The following DNAAF1 variants were observed in gnomAD, a reference collection of about 807,000 sequenced individuals.
The protein encoded by DNAAF1 is dynein axonemal assembly factor 1.
DNAAF1 carries 65 observed loss-of-function variants against 71.1 expected under a neutral mutation model. The ratio of observed to expected loss-of-function variants is 0.91; its 90% CI spans 0.75 to 1.12. The LOEUF (loss-of-function observed/expected upper bound fraction) is 1.12. Among genes scored for constraint, DNAAF1 ranks in the 50% most tolerant of loss-of-function variants. The pLI is 0.00. For missense variants in DNAAF1, 1,178 were observed against 899.8 expected (o/e 1.31, Z -3.96); for synonymous variants, 414 against 354.6 (o/e 1.17, Z -1.88).
intron 6 of DNAAF1, among the ~76,000 whole-genome samples, chr16:84,163,870 T>C (rs941325438): frequency 2.0e-5 from 3 of 148,946 alleles, no homozygotes; most frequent in East Asian, 4.1e-4. Flanking sequence ...TTTTTTTTTT[T>C]TTTGTGGGGG....
At chr16:84,175,700 C>T (rs766515946) in intron 10 of DNAAF1, 11 of 564,714 alleles carry the variant, frequency 1.9e-5, no homozygotes, top group Non-Finnish European at 3.2e-5. Flanking sequence ...TGAGGAATAG[C>T]CAGTGGCTGG....
In DNAAF1 at chr16:84,170,371, G is replaced by A; in HGVS notation, c.1528+15G>A. ...TGCCAGGGAAGGTAATGTGAGCGGA[G>A]AAACACACACAGACACACACACCTC... On this transcript the variant is annotated intron_variant, in intron 8 of 11. Transcript: ENST00000378553. 1 of 1,613,524 alleles carries A rather than the reference G, an allele frequency of 6.2e-7. No homozygotes were observed.
Position 84,177,733 on chromosome 16 carries a change from G to A in DNAAF1, c.2070G>A (p.Pro690=), listed in dbSNP as rs772036783. ...SDFLAASSPV[P]TESAATPPET... ...AGGTCACCCTTCCTTCCACAGTGCC[G>A]ACTGAGAGCGCCGCCACACCCCCAG... The change falls in exon 12 of 12, where the codon CCG becomes CCA. Residue 690 remains proline, a synonymous_variant. Coordinates refer to ENST00000378553, the MANE Select transcript of DNAAF1 (RefSeq NM_178452.6). The A allele has an allele frequency of 3.7e-5, 59 of 1,613,546 alleles. No individual in the cohort carries two copies. The highest frequency in any genetic ancestry group is 4.3e-5 in the Non-Finnish European group (51 of 1,179,872).
chr16:84,164,969 A>G (rs1481499887), intron 6 of DNAAF1, among the ~76,000 whole-genome samples: 2 of 152,128 alleles, frequency 1.3e-5, no homozygotes, highest in African/African-American at 4.8e-5. Flanking sequence ...TAGCCATATC[A>G]TGTTATCTTA....
Position 84,154,621 on chromosome 16 carries a change from T to C in DNAAF1, c.397T>C (p.Cys133Arg). 1 of 1,614,210 alleles carries C rather than the reference T, an allele frequency of 6.2e-7. No individual in the cohort carries two copies. The highest frequency in any genetic ancestry group is 8.5e-7 in the Non-Finnish European group (1 of 1,180,042). ...CCTGGAAGAGTACACAGGGCTGCGCTGTCTCTGGCTGCAGAGCAATGGAAT... is the reference window on the plus strand; with the variant it reads ...CCTGGAAGAGTACACAGGGCTGCGCCGTCTCTGGCTGCAGAGCAATGGAAT... ...ENLEEYTGLRCLWLQSNGIQK... is the reference protein window; with the variant it reads ...ENLEEYTGLRRLWLQSNGIQK... The change falls in exon 4 of 12, where the codon TGT (cysteine) becomes CGT (arginine). Residue 133 changes from cysteine to arginine, a missense_variant. Transcript: ENST00000378553.
In DNAAF1 at chr16:84,145,425, T is replaced by G. The variant is rs769486720; in HGVS notation, c.-16T>G. ...CCCCCCAAAGCTGCGGGGCGTTCGG[T>G]GTCGCCGAAGTAAACATGCACCCTG... On this transcript the variant is annotated 5_prime_UTR_variant, in exon 1 of 12. Transcript: ENST00000378553. 10 of 1,576,782 alleles carry G rather than the reference T, an allele frequency of 6.3e-6. No individual in the cohort carries two copies. The South Asian group carries it at 1.2e-4, about 18-fold the overall frequency.
chr16:84,146,108 C>G (rs952197766), intron 1 of DNAAF1, among the ~76,000 whole-genome samples: 1 of 152,040 alleles, frequency 6.6e-6, no homozygotes, highest in Non-Finnish European at 1.5e-5. Context: ...AACAAACAAA[C>G]AAACAAACAA....
intron 8 of DNAAF1, among the ~76,000 whole-genome samples, chr16:84,170,807 G>T (rs2088291276): frequency 6.6e-6 from 1 of 152,010 alleles, no homozygotes; most frequent in South Asian, 2.1e-4. Flanking sequence ...ACTCCAGCCT[G>T]GGTGACAGAG....
rs1400862322 is a variant in DNAAF1 at position 84,162,434 on chromosome 16, A to G, written c.863+2638A>G. Reference sequence around the variant, plus strand: ...AAAAAAAATAAATAAATAAAAATAAAAAACAAAGTGTACAATGCAATGGCT... The same window carrying G: ...AAAAAAAATAAATAAATAAAAATAAGAAACAAAGTGTACAATGCAATGGCT... On this transcript the variant is annotated intron_variant, in intron 6 of 11. Coordinates refer to ENST00000378553, the MANE Select transcript of DNAAF1 (RefSeq NM_178452.6). Among the ~76,000 whole-genome samples the G allele has an allele frequency of 3.3e-5, 5 of 152,096 alleles. No individual in the cohort carries two copies. In the South Asian group the frequency reaches 6.2e-4, roughly 19 times the overall value.
At chr16:84,172,166 C>G in intron 8 of DNAAF1, 94 bp from the exon 9 acceptor site, 2 of 1,220,440 alleles carry the variant, frequency 1.6e-6, no homozygotes, top group South Asian at 1.3e-5. Flanking sequence ...CATGAGCCAC[C>G]GAGCCCGGCC....
At chr16:84,158,214 A>G (rs2087535344) in intron 5 of DNAAF1, among the ~76,000 whole-genome samples, 1 of 152,214 alleles carries the variant, frequency 6.6e-6, no homozygotes, top group Non-Finnish European at 1.5e-5. Flanking sequence ...GTCTCCAAAA[A>G]AAAACAAAAA....
chr16:84,155,936 A>G (rs74531765), intron 5 of DNAAF1, among the ~76,000 whole-genome samples, 187 bp downstream of exon 5: 12 of 151,506 alleles, frequency 7.9e-5, no homozygotes, highest in Non-Finnish European at 1.5e-4. Flanking sequence ...TTTACCCACA[A>G]ATAGTTCAGT....
At chr16:84,158,186 C>G (rs1597432907) in intron 5 of DNAAF1, among the ~76,000 whole-genome samples, 2 of 152,080 alleles carry the variant, frequency 1.3e-5, no homozygotes, top group East Asian at 3.9e-4. Context: ...GCCTGGGAGA[C>G]AGGCAGAGTC....
At chr16:84,166,685 A>T (rs1202594266) in intron 7 of DNAAF1, among the ~76,000 whole-genome samples, 7 of 152,148 alleles carry the variant, frequency 4.6e-5, no homozygotes, top group African/African-American at 7.2e-5. Context: ...GGATTTTTTT[A>T]AAACCATTTC....
chr16:84,152,148 A>C (rs976710460), intron 3 of DNAAF1, among the ~76,000 whole-genome samples: 4 of 152,312 alleles, frequency 2.6e-5, no homozygotes, highest in African/African-American at 9.6e-5. Flanking sequence ...GACTTTAGCC[A>C]GGTGGTTGCA....
intron 4 of DNAAF1, 67 bp downstream of exon 4, chr16:84,154,865 C>G: frequency 1.5e-6 from 2 of 1,315,744 alleles, no homozygotes; most frequent in Middle Eastern, 1.8e-4. Context: ...GAGGGATGTT[C>G]TAAGCTTTTA....
chr16:84,165,656 T>A (rs557371749), intron 6 of DNAAF1, 127 bp from the exon 7 acceptor site: 1 of 941,084 alleles, frequency 1.1e-6, no homozygotes, highest in South Asian at 1.3e-5. Flanking sequence ...CATGTGGAAC[T>A]TTTATCCTTG....
chr16:84,176,623 C>T (rs950480808), intron 11 of DNAAF1: 1 of 429,634 alleles, frequency 2.3e-6, no homozygotes, highest in East Asian at 5.0e-5. Flanking sequence ...TGCATTTCCA[C>T]CCCCTCCTCA....
Position 84,154,664 on chromosome 16 carries a change from T to G in DNAAF1, c.440T>G (p.Leu147Arg), listed in dbSNP as rs2087328257. ...AATGGAATACAGAAAATCGAAAACCTGGAGGCCCAAACTGAGTTGCGTTGC... is the reference window on the plus strand; with the variant it reads ...AATGGAATACAGAAAATCGAAAACCGGGAGGCCCAAACTGAGTTGCGTTGC... Reference protein sequence around the residue: ...QSNGIQKIENLEAQTELRCLF... With the variant: ...QSNGIQKIENREAQTELRCLF... Residue 147 changes from leucine (L) to arginine (R), a missense_variant, in exon 4 of 12, where the codon CTG becomes CGG. Leu to Arg is a moderately radical substitution (Grantham distance 102). Coordinates refer to ENST00000378553, the MANE Select transcript of DNAAF1 (RefSeq NM_178452.6). The G allele has an allele frequency of 6.2e-7, 1 of 1,614,218 alleles. No individual in the cohort carries two copies. The highest frequency in any genetic ancestry group is 8.5e-7 in the Non-Finnish European group (1 of 1,180,028).
Sources: gnomAD v4.1 joint callset for allele counts (sites outside exome capture counted in the v4.1 genomes callset) on GRCh38, gnomAD v4.1.1 for gene constraint, MANE v1.5 for transcripts, NCBI Gene and HGNC (gene_info 2026-07-23, HGNC 2026-07-21) for gene names.